The following TSGA10 variants were observed in gnomAD, a reference collection of about 807,000 sequenced individuals.
TSGA10 encodes testis-specific gene 10 protein.
A neutral mutation model predicts 96.6 loss-of-function variants in TSGA10; 43 were observed. That is an observed-to-expected ratio of 0.44 (90% CI 0.35 to 0.57). TSGA10 has a LOEUF of 0.57. TSGA10 is among the 20% of genes least tolerant of loss of function. The probability of loss-of-function intolerance (pLI) is 0.01; values close to 1 mark genes in which losing one functional copy is unlikely to be tolerated. For synonymous variants in TSGA10, 229 were observed against 269.9 expected (o/e 0.85, Z 1.48); for missense variants, 703 against 834.4 (o/e 0.84, Z 1.94).
In TSGA10 at chr2:99,092,373, A is replaced by T. The variant is rs150315425; in HGVS notation, c.612-10976T>A. 4.7e-3 allele frequency among the ~76,000 whole-genome samples: 723 copies of T among 152,254 alleles called. 9 individuals are homozygous for T. The highest frequency in any genetic ancestry group is 0.017 in the African/African-American group (688 of 41,582). ...GACAATCTAAGGTCACACCTCAAGA[A>T]ACTAGAGAAACAAGAACAAACCAAA... On this transcript the variant is annotated intron_variant, in intron 10 of 20. Transcript: ENST00000393483.
rs778622550 is a variant in TSGA10, at chr2:99,020,481, C to A, written c.1616G>T (p.Arg539Met). The change falls in exon 18 of 21, where the codon AGG (arginine) becomes ATG (methionine). Residue 539 changes from arginine (R) to methionine (M), a missense_variant and splice_region_variant. By Grantham distance (91) the Arg-to-Met change is moderately conservative (BLOSUM62 -1). Transcript: ENST00000393483. ...LVAKDQEIEM[R>M]ENELDSAHSE... The stretch of plus-strand genomic sequence containing the variant: ...ATGAGCAGAATCTAACTCATTCTCC[C>A]TCTGTTCAATAACAAGAAGATATCT... The A allele has an allele frequency of 6.2e-7, 1 of 1,602,568 alleles. No homozygotes were observed.
At chr2:99,075,587 T>C (rs2086612520) in intron 12 of TSGA10, among the ~76,000 whole-genome samples, 1 of 152,188 alleles carries the variant, frequency 6.6e-6, no homozygotes, top group Admixed American at 6.5e-5. Flanking sequence ...GAGTAGCCTT[T>C]GTTAGTTCAG....
chr2:98,999,747 T>C (rs558376058), intron 20 of TSGA10, among the ~76,000 whole-genome samples: 106 of 152,348 alleles, frequency 7.0e-4, no homozygotes, highest in African/African-American at 2.4e-3. Context: ...ATTTTATTTA[T>C]ACTGTTCTAT....
chr2:99,004,387 C>T lies in TSGA10; in HGVS notation c.2073-6166G>A, dbSNP rs374657584. Among the ~76,000 whole-genome samples the T allele has an allele frequency of 2.2e-4, 34 of 151,898 alleles. No homozygotes were observed. The East Asian group carries it at 2.5e-3, about 11-fold the overall frequency. On this transcript the variant is annotated intron_variant, in intron 20 of 20. Transcript: ENST00000393483. ...CAGAGGTACAAAGAGGAGCTGGTAC[C>T]ATTCCTTCTGAAACTATTCCAATCA... is the stretch of plus-strand genomic sequence containing the variant.
intron 16 of TSGA10, among the ~76,000 whole-genome samples, chr2:99,048,236 T>C (rs148656125): frequency 0.011 from 1,630 of 152,162 alleles, 9 homozygotes; most frequent in Middle Eastern, 0.027. Context: ...AAACTTCATA[T>C]AGAACCAAAA....
chr2:99,134,100 C>G (rs2093225170), intron 1 of TSGA10, among the ~76,000 whole-genome samples: 1 of 152,058 alleles, frequency 6.6e-6, no homozygotes, highest in Non-Finnish European at 1.5e-5. Flanking sequence ...TTGTGGTGTT[C>G]TCTGTATTTC....
intron 10 of TSGA10, among the ~76,000 whole-genome samples, chr2:99,101,244 C>CAA (rs869263270): frequency 0.64 from 15,390 of 24,204 alleles, 6,442 homozygotes; most frequent in Non-Finnish European, 0.76. Context: ...GACTCTGTCT[C>CAA]AAAAAAAAAA....
intron 1 of TSGA10, among the ~76,000 whole-genome samples, chr2:99,131,940 T>C (rs532677522): frequency 1.3e-5 from 2 of 152,302 alleles, no homozygotes; most frequent in East Asian, 3.9e-4. Context: ...TTGCGTATGT[T>C]GAACCATACA....
At chr2:99,067,457 C>G (rs2104481304) in intron 15 of TSGA10, among the ~76,000 whole-genome samples, 1 of 152,284 alleles carries the variant, frequency 6.6e-6, no homozygotes, top group Middle Eastern at 3.4e-3. Context: ...ATTCTAGAAT[C>G]TAAAAGTTAT....
At chr2:99,144,095 A>C (rs933362412) in intron 1 of TSGA10, among the ~76,000 whole-genome samples, 1 of 152,048 alleles carries the variant, frequency 6.6e-6, no homozygotes, top group African/African-American at 2.4e-5. Flanking sequence ...ATCTCCGCTC[A>C]CTGGAAGCTC....
chr2:99,100,745 C>T (rs1186061871), intron 10 of TSGA10, among the ~76,000 whole-genome samples: 8 of 143,392 alleles, frequency 5.6e-5, no homozygotes, highest in African/African-American at 1.8e-4. Flanking sequence ...GTGTGAACCC[C>T]GGAGGCAGAG....
Position 99,105,341 on chromosome 2 carries a change from C to CTTTTT in TSGA10, c.459+13_459+17dup. The CTTTTT allele has an allele frequency of 6.8e-7, 1 of 1,460,354 alleles. No homozygotes were observed. The highest frequency in any genetic ancestry group is 1.3e-5 in the South Asian group (1 of 78,698). 90.5% of individuals were successfully genotyped at this position (1,460,354 alleles called of 1,614,324 possible). On this transcript the variant is annotated intron_variant, in intron 9 of 20. Transcript: ENST00000393483. ...GTGTTTATAGCCAAAAGAGACTTTT[C>CTTTTT]TTTTTTTTTTTTTTTACATTATGAA...
intron 16 of TSGA10, among the ~76,000 whole-genome samples, chr2:99,046,189 C>A (rs2082757350): frequency 6.6e-6 from 1 of 151,962 alleles, no homozygotes; most frequent in African/African-American, 2.4e-5. Flanking sequence ...ACAAGGATAC[C>A]CAGGAATTGA....
chr2:99,000,044 C>T (rs1023866513), intron 20 of TSGA10, among the ~76,000 whole-genome samples: 5 of 152,178 alleles, frequency 3.3e-5, no homozygotes, highest in Non-Finnish European at 7.3e-5. Context: ...GTGTGAGCAA[C>T]CACGCCCAGT....
intron 10 of TSGA10, among the ~76,000 whole-genome samples, chr2:99,095,298 G>A (rs62156367): frequency 6.6e-6 from 1 of 152,072 alleles, no homozygotes; most frequent in Non-Finnish European, 1.5e-5. Context: ...TGGGTACAGT[G>A]TATACTGCTC....
chr2:99,035,439 G>T lies in TSGA10; in HGVS notation c.1405C>A (p.His469Asn). 6.3e-7 allele frequency: 1 copy of T among 1,599,074 alleles called. No homozygotes were observed. Among genetic ancestry groups the T allele is most frequent in the African/African-American group, 1.3e-5 (1 of 74,376 alleles). Reference protein sequence around the residue: ...VDSLNREVEQHLNAERSYKSQ... With the variant: ...VDSLNREVEQNLNAERSYKSQ... ...TTGTAAGACCTTTCTGCATTTAAGT[G>T]CTGTAAGAATAAAATTATATATATG... Residue 469 changes from histidine (H) to asparagine (N), a missense_variant and splice_region_variant, in exon 17 of 21, where the codon CAC (histidine) becomes AAC (asparagine). Transcript: ENST00000393483.
rs756833197 is a variant in TSGA10 at position 99,109,409 on chromosome 2, G to A, written c.31C>T (p.Arg11Cys). The change falls in exon 6 of 21, where the codon CGC (arginine) becomes TGC (cysteine). Residue 11 changes from arginine to cysteine, a missense_variant. Transcript: ENST00000393483. The part of the protein sequence containing the change: MMRSRSKSPR[R>C]PSPTARGANC... ...CCTACCCGGGCAGTTGGTGATGGGCGTCTTGGACTTTTAGACCTACTTCGC... is the reference window on the plus strand; with the variant it reads ...CCTACCCGGGCAGTTGGTGATGGGCATCTTGGACTTTTAGACCTACTTCGC... The A allele has an allele frequency of 1.2e-5, 20 of 1,613,848 alleles. No individual in the cohort carries two copies. The highest frequency in any genetic ancestry group is 1.1e-4 in the African/African-American group (8 of 74,916).
chr2:99,133,880 ATTCTT>A (rs2093214456), intron 1 of TSGA10, among the ~76,000 whole-genome samples: 1 of 152,180 alleles, frequency 6.6e-6, no homozygotes, highest in South Asian at 2.1e-4. Context: ...TGGGTTGAAA[ATTCTT>A]TTCTTTAAGA....
In TSGA10 at chr2:99,028,045, G is replaced by A. The variant is rs189266830; in HGVS notation, c.1614+7185C>T. ...CTCAGGGTATGCACATAGTTACCCC[G>A]ATCCCTTCCCATGGGCATTTACACA... On this transcript the variant is annotated intron_variant, in intron 17 of 20. Transcript: ENST00000393483. Among the ~76,000 whole-genome samples, 456 of 152,128 alleles carry A rather than the reference G, an allele frequency of 3.0e-3. 3 individuals are homozygous for A. Among genetic ancestry groups the A allele is most frequent in the Admixed American group, 0.025 (381 of 15,292 alleles).
Sources: allele counts gnomAD v4.1 joint callset (sites outside exome capture counted in the v4.1 genomes callset), GRCh38; gene constraint gnomAD v4.1.1; transcripts MANE v1.5; gene names NCBI Gene and HGNC (gene_info 2026-07-23, HGNC 2026-07-21).